Variants in RDH13 observed in about 807,000 individuals in gnomAD.
RDH13 encodes retinol dehydrogenase 13 (all-trans and 9-cis).
A neutral mutation model predicts 28.3 loss-of-function variants in RDH13; 35 were observed. The ratio of observed to expected loss-of-function variants is 1.24; its 90% CI spans 0.95 to 1.64. RDH13 has a LOEUF of 1.64. Ranked by LOEUF, RDH13 falls within the 40% of genes most tolerant of loss-of-function variation. RDH13 has a pLI of 0.00. For missense variants in RDH13, 514 were observed against 446.3 expected (o/e 1.15, Z -1.37); for synonymous variants, 229 against 198.5 (o/e 1.15, Z -1.29).
chr19:55,047,962 C>T, intron 5 of RDH13: 1 of 1,026,426 alleles, frequency 9.7e-7, no homozygotes, highest in African/African-American at 1.6e-5. Context: ...ATGCCCAGAG[C>T]AATCTCTCCC....
chr19:55,056,764 C>T lies in RDH13; in HGVS notation c.229G>A (p.Ala77Thr), dbSNP rs573219991. Residue 77 changes from alanine to threonine, a missense_variant, in exon 3 of 7, where the codon GCG (alanine) becomes ACG (threonine). Physicochemically the swap from Ala to Thr is moderately conservative, Grantham distance 58. Transcript: ENST00000415061. Reference protein sequence around the residue: ...LACRDMEKCEAAAKDIRGETL... With the variant: ...LACRDMEKCETAAKDIRGETL... ...TCCCCGCGGATGTCCTTTGCTGCCG[C>T]CTCACACTTCTCCATGTCTCGGCAG... The T allele has an allele frequency of 1.4e-4, 227 of 1,614,104 alleles. No individual in the cohort carries two copies. The highest frequency in any genetic ancestry group is 1.8e-4 in the Non-Finnish European group (207 of 1,180,020).
In RDH13 at chr19:55,063,139, G is replaced by A. The variant is rs1012128855; in HGVS notation, c.-107C>T. On this transcript the variant is annotated 5_prime_UTR_variant, in exon 1 of 7. Transcript: ENST00000415061. ...GAGCGCGCGACGCAGCCACAGGCGA[G>A]CGGAGGCGCAGGCGCGGCTGGGCCC... The A allele has an allele frequency of 9.2e-7, 1 of 1,092,224 alleles. No individual in the cohort carries two copies. Among genetic ancestry groups the A allele is most frequent in the East Asian group, 3.2e-5 (1 of 30,928 alleles). The allele number at this position is 1,092,224 out of a possible 1,614,324, so 67.7% of individuals were successfully genotyped here.
chr19:55,065,084 AAAAAT>A (rs1372046790), upstream of RDH13, among the ~76,000 whole-genome samples: 1 of 151,282 alleles, frequency 6.6e-6, no homozygotes, highest in Admixed American at 6.8e-5. Context: ...TTACCAAACT[AAAAAT>A]AAAGAAAAAT....
At chr19:55,065,767 G>A (rs908488000), upstream of RDH13, among the ~76,000 whole-genome samples, 5 of 151,924 alleles carry the variant, frequency 3.3e-5, no homozygotes, top group African/African-American at 9.7e-5. Context: ...GCCCAGGCTG[G>A]AGCGCAGTGA....
rs772223241 is a variant in RDH13, at chr19:55,056,761, C to T, written c.232G>A (p.Ala78Thr). ...GTCTCCCCGCGGATGTCCTTTGCTG[C>T]CGCCTCACACTTCTCCATGTCTCGG... The part of the protein sequence containing the change: ...ACRDMEKCEA[A>T]AKDIRGETLN... Residue 78 changes from alanine to threonine, a missense_variant, in exon 3 of 7, where the codon GCA (alanine) becomes ACA (threonine). Coordinates refer to ENST00000415061, the MANE Select transcript of RDH13 (RefSeq NM_001145971.2). 23 of 1,613,988 alleles carry T rather than the reference C, an allele frequency of 1.4e-5. No homozygotes were observed. The highest frequency in any genetic ancestry group is 8.3e-5 in the Admixed American group (5 of 59,958).
In RDH13 at chr19:55,062,981, C is replaced by A; in HGVS notation, c.52G>T (p.Ala18Ser). ...GAATGTACTCACTTGAGCAGCACGGCGGCGCCTGCTACCGTGCCCAGCGCC... is the reference window on the plus strand; with the variant it reads ...GAATGTACTCACTTGAGCAGCACGGAGGCGCCTGCTACCGTGCCCAGCGCC... Reference protein sequence around the residue: ...LSALGTVAGAAVLLKDYVTGG... With the variant: ...LSALGTVAGASVLLKDYVTGG... The change falls in exon 1 of 7, where the codon GCC becomes TCC. Residue 18 changes from alanine to serine, a missense_variant. By Grantham distance (99) the Ala-to-Ser change is moderately conservative (BLOSUM62 1). Coordinates refer to ENST00000415061, the MANE Select transcript of RDH13 (RefSeq NM_001145971.2). 2 of 1,477,582 alleles carry A rather than the reference C, an allele frequency of 1.4e-6. No individual in the cohort carries two copies. Among genetic ancestry groups the A allele is most frequent in the African/African-American group, 1.5e-5 (1 of 68,696 alleles). The allele number at this position is 1,477,582 out of a possible 1,614,324, so 91.5% of individuals were successfully genotyped here.
chr19:55,043,928 T>C (rs1487514492), downstream of RDH13, among the ~76,000 whole-genome samples: 1 of 96,934 alleles, frequency 1.0e-5, no homozygotes, highest in Non-Finnish European at 2.2e-5. Flanking sequence ...AACTTTTTTT[T>C]TTTTTTGAGA....
At chr19:55,054,541 G>A (rs1057492025) in intron 3 of RDH13, among the ~76,000 whole-genome samples, 7 of 152,034 alleles carry the variant, frequency 4.6e-5, no homozygotes, top group Non-Finnish European at 8.8e-5. Context: ...AGCCAAGATC[G>A]CATCATTGCA....
chr19:55,056,717 G>GTT lies in RDH13; in HGVS notation c.274_275dup (p.Asn92LysfsTer31), dbSNP rs748253836. Reference sequence around the variant, plus strand: ...GGGAAGCCAAGTCCAGGTGCCGGGCGTTGACATGGTGATTGAGGGTCTCCC... The same window carrying GTT: ...GGGAAGCCAAGTCCAGGTGCCGGGCGTTTTGACATGGTGATTGAGGGTCTCCC... On this transcript the variant is annotated frameshift_variant, in exon 3 of 7. Transcript: ENST00000415061. LOFTEE classifies it high-confidence loss of function. 40 of 1,613,824 alleles carry GTT rather than the reference G, an allele frequency of 2.5e-5. No homozygotes were observed. Among genetic ancestry groups the GTT allele is most frequent in the Non-Finnish European group, 3.2e-5 (38 of 1,180,010 alleles).
intron 3 of RDH13, among the ~76,000 whole-genome samples, chr19:55,052,848 G>A (rs1838101255): frequency 6.6e-6 from 1 of 151,888 alleles, no homozygotes; most frequent in South Asian, 2.1e-4. Flanking sequence ...TTTCTTAGTA[G>A]ACACGGGGTT....
intron 2 of RDH13, 147 bp from the exon 3 acceptor site, chr19:55,056,955 C>T (rs2075658012): frequency 6.0e-6 from 4 of 670,942 alleles, no homozygotes; most frequent in South Asian, 2.1e-5. Flanking sequence ...GTAGAAACAA[C>T]CAAATGCCCA....
upstream of RDH13, among the ~76,000 whole-genome samples, chr19:55,065,641 C>A (rs553414039): frequency 6.6e-6 from 1 of 151,796 alleles, no homozygotes; most frequent in Admixed American, 6.7e-5. Context: ...AGCTGGGAAG[C>A]AGCCACAGAT....
At chr19:55,059,626 G>A (rs62122059) in intron 1 of RDH13, among the ~76,000 whole-genome samples, 20,960 of 151,156 alleles carry the variant, frequency 0.14, 1,699 homozygotes, top group Middle Eastern at 0.29. Flanking sequence ...TCAGGAGTTC[G>A]AGTCCAGCCT....
chr19:55,064,645 A>G (rs564115007), upstream of RDH13, among the ~76,000 whole-genome samples: 41 of 151,102 alleles, frequency 2.7e-4, no homozygotes, highest in African/African-American at 9.7e-4. Flanking sequence ...AGACAGTCTC[A>G]CTGTGTCACC....
upstream of RDH13, among the ~76,000 whole-genome samples, chr19:55,066,469 CTCTCTTCCTCTG>C (rs1317090635): frequency 0.01 from 1,509 of 145,726 alleles, 21 homozygotes; most frequent in African/African-American, 0.036. Context: ...CTCTTCCTCT[CTCTCTTCCTCTG>C]TCCTCTTTTC....
chr19:55,054,006 C>A (rs1461679457), intron 3 of RDH13: 2 of 152,206 alleles, frequency 1.3e-5, no homozygotes, highest in Non-Finnish European at 2.9e-5. Flanking sequence ...ACCTACCCGA[C>A]AACAGTGCCG....
At chr19:55,062,780 C>T (rs1331880847) in intron 1 of RDH13, among the ~76,000 whole-genome samples, 188 bp downstream of exon 1, 1 of 152,156 alleles carries the variant, frequency 6.6e-6, no homozygotes, top group Non-Finnish European at 1.5e-5. Flanking sequence ...TCGCCCTTCC[C>T]TCCGAGTGAC....
At chr19:55,057,629 G>A (rs114024331) in intron 2 of RDH13, among the ~76,000 whole-genome samples, 2,550 of 151,582 alleles carry the variant, frequency 0.017, 45 homozygotes, top group African/African-American at 0.047. Flanking sequence ...TAGAGACAGC[G>A]GTTTCACCAT....
At chr19:55,064,773 C>G (rs1442048375), upstream of RDH13, among the ~76,000 whole-genome samples, 1 of 148,784 alleles carries the variant, frequency 6.7e-6, no homozygotes, top group African/African-American at 2.5e-5. Context: ...TCACCACACC[C>G]GGCTAATTTT....
Sources: allele counts gnomAD v4.1 joint callset (sites outside exome capture counted in the v4.1 genomes callset), GRCh38; gene constraint gnomAD v4.1.1; transcripts MANE v1.5; gene names NCBI Gene and HGNC (gene_info 2026-07-23, HGNC 2026-07-21).